DCBLD1: variants seen among roughly 807,000 people sequenced by gnomAD.
The protein encoded by DCBLD1 is discoidin, CUB and LCCL domain containing 1, also known as discoidin, CUB and LCCL domain-containing protein 1.
In DCBLD1, 57 loss-of-function variants were observed where a neutral mutation model predicts 71.5. The ratio of observed to expected loss-of-function variants is 0.80; its 90% CI spans 0.64 to 0.99. DCBLD1 has a LOEUF of 0.99. Ranked by LOEUF, DCBLD1 falls within the 50% of genes least tolerant of loss-of-function variation. The probability of loss-of-function intolerance (pLI) is 0.00; values close to 1 mark genes in which losing one functional copy is unlikely to be tolerated. For missense variants in DCBLD1, 891 were observed against 923.5 expected, an observed-to-expected ratio of 0.96 and a Z score of 0.46; for synonymous variants, 380 against 363.8, an observed-to-expected ratio of 1.04 and a Z score of -0.51.
chr6:117,495,949 C>G (rs926561315), intron 1 of DCBLD1, among the ~76,000 whole-genome samples: 2 of 152,182 alleles, frequency 1.3e-5, no homozygotes, highest in African/African-American at 4.8e-5. Flanking sequence ...GATAGGATCT[C>G]TTTAAATGAT....
chr6:117,515,603 C>A (rs1208922445), intron 2 of DCBLD1, among the ~76,000 whole-genome samples: 1 of 152,182 alleles, frequency 6.6e-6, no homozygotes, highest in East Asian at 1.9e-4. Flanking sequence ...GCAAGTACAG[C>A]AATCTGACTC....
chr6:117,505,927 A>G (rs1777827611), intron 2 of DCBLD1, among the ~76,000 whole-genome samples: 2 of 152,274 alleles, frequency 1.3e-5, no homozygotes, highest in South Asian at 4.1e-4. Flanking sequence ...TGAGCTTTCA[A>G]GCTTAGATGC....
chr6:117,507,512 C>T (rs1052637850), intron 2 of DCBLD1, among the ~76,000 whole-genome samples: 1 of 152,110 alleles, frequency 6.6e-6, no homozygotes, highest in African/African-American at 2.4e-5. Flanking sequence ...TAATATTATC[C>T]TGGCCAAAAC....
At chr6:117,488,119 C>G (rs1777153048) in intron 1 of DCBLD1, among the ~76,000 whole-genome samples, 1 of 152,076 alleles carries the variant, frequency 6.6e-6, no homozygotes, top group African/African-American at 2.4e-5. Context: ...GGAGGATTCC[C>G]TAAGATCCAT....
chr6:117,541,016 A>G lies in DCBLD1; in HGVS notation c.1348A>G (p.Thr450Ala), dbSNP rs2114553696. 2 of 1,614,212 alleles carry G rather than the reference A, an allele frequency of 1.2e-6. No homozygotes were observed. The highest frequency in any genetic ancestry group is 1.3e-5 in the African/African-American group (1 of 75,060). The stretch of plus-strand genomic sequence containing the variant: ...CACAAGGCCCATCCCCTCGGAAGAA[A>G]CATCCACAGGTAGAGCCGTGATTGT... ...TITRPIPSEETSTGINITTVA... is the reference protein window; with the variant it reads ...TITRPIPSEEASTGINITTVA... Residue 450 changes from threonine (T) to alanine (A), a missense_variant, in exon 11 of 15, where the codon ACA becomes GCA. By Grantham distance (58) the Thr-to-Ala change is moderately conservative (BLOSUM62 0). Coordinates refer to ENST00000338728, the MANE Select transcript of DCBLD1 (RefSeq NM_001366458.2).
At position 117,543,206 on chromosome 6, in the gene DCBLD1, T is replaced by C. The variant is rs746384748; in HGVS notation, c.1440T>C (p.Phe480=). ...VFAGMGIFAA[F]RKKKKKGSPY... is the part of the protein sequence containing the mutation. Reference sequence around the variant, plus strand: ...CTGGAATGGGGATCTTTGCAGCCTTTAGAAAGTATGGTGACTTTACATGTT... The same window carrying C: ...CTGGAATGGGGATCTTTGCAGCCTTCAGAAAGTATGGTGACTTTACATGTT... Residue 480 remains phenylalanine (F), a synonymous_variant, in exon 12 of 15, where the codon TTT becomes TTC. Coordinates refer to ENST00000338728, the MANE Select transcript of DCBLD1 (RefSeq NM_001366458.2). 55 of 1,613,932 alleles carry C rather than the reference T, an allele frequency of 3.4e-5. No homozygotes were observed. The highest frequency in any genetic ancestry group is 4.5e-5 in the Non-Finnish European group (53 of 1,179,914).
chr6:117,483,864 A>G (rs1021759683), intron 1 of DCBLD1, among the ~76,000 whole-genome samples: 5 of 152,152 alleles, frequency 3.3e-5, no homozygotes, highest in African/African-American at 1.2e-4. Flanking sequence ...TGGTGAAACA[A>G]GAATCAAAAC....
At chr6:117,564,827 T>C (rs1779661992) in intron 14 of DCBLD1, among the ~76,000 whole-genome samples, 1 of 152,200 alleles carries the variant, frequency 6.6e-6, no homozygotes, top group Non-Finnish European at 1.5e-5. Flanking sequence ...ACTGCCACAA[T>C]AGTTTTGCTC....
intron 1 of DCBLD1, among the ~76,000 whole-genome samples, chr6:117,493,346 A>G (rs1777359844): frequency 6.6e-6 from 1 of 152,200 alleles, no homozygotes; most frequent in South Asian, 2.1e-4. Flanking sequence ...ATACACTGAC[A>G]CCTTCTTTTA....
At position 117,548,417 on chromosome 6, in the gene DCBLD1, C is replaced by A. The variant is rs1390435303; in HGVS notation, c.2126C>A (p.Thr709Lys). 1 of 1,550,700 alleles carries A rather than the reference C, an allele frequency of 6.4e-7. No individual in the cohort carries two copies. Among genetic ancestry groups the A allele is most frequent in the Non-Finnish European group, 8.7e-7 (1 of 1,147,016 alleles). ...GACTGCCTCACACCCCTCAACCAGA[C>A]GGCCATGACTGCCCTTTTGTGAACA... is the stretch of plus-strand genomic sequence containing the variant. ...PRDCLTPLNQ[T>K]AMTALL is the part of the protein sequence containing the mutation. Residue 709 changes from threonine to lysine, a missense_variant, in exon 15 of 15, where the codon ACG becomes AAG. Physicochemically the swap from Thr to Lys is moderately conservative, Grantham distance 78 (BLOSUM62 -1). Coordinates refer to ENST00000338728, the MANE Select transcript of DCBLD1 (RefSeq NM_001366458.2).
At chr6:117,490,103 A>G (rs926331135) in intron 1 of DCBLD1, among the ~76,000 whole-genome samples, 1 of 142,638 alleles carries the variant, frequency 7.0e-6, no homozygotes, top group African/African-American at 2.6e-5. Context: ...GCACACACAC[A>G]CACACACACA....
chr6:117,547,796 A>C (rs1583036018), intron 14 of DCBLD1, 111 bp from the exon 15 acceptor site: 50 of 1,542,514 alleles, frequency 3.2e-5, no homozygotes, highest in Non-Finnish European at 4.3e-5. Flanking sequence ...ACCTGAGGGC[A>C]CCCGGGGGGA....
At chr6:117,519,751 C>A in intron 2 of DCBLD1, 65 bp from the exon 3 acceptor site, 1 of 1,570,120 alleles carries the variant, frequency 6.4e-7, no homozygotes, top group Non-Finnish European at 8.7e-7. Flanking sequence ...GAAAAAAATG[C>A]CATATACCAG....
intron 4 of DCBLD1, among the ~76,000 whole-genome samples, chr6:117,522,345 A>G (rs1583004106): frequency 6.6e-6 from 1 of 152,206 alleles, no homozygotes; most frequent in Non-Finnish European, 1.5e-5. Flanking sequence ...GTCTCCAGAC[A>G]TTGCCAAATG....
At chr6:117,489,544 A>G (rs893547499) in intron 1 of DCBLD1, among the ~76,000 whole-genome samples, 4 of 152,190 alleles carry the variant, frequency 2.6e-5, no homozygotes, top group African/African-American at 7.2e-5. Context: ...TGTTACCCCC[A>G]TACCACCCCC....
intron 9 of DCBLD1, 137 bp downstream of exon 9, chr6:117,539,516 C>A: frequency 9.7e-7 from 1 of 1,032,204 alleles, no homozygotes; most frequent in African/African-American, 1.7e-5. Context: ...CTGTAATCCC[C>A]AAGCTTTGGG....
chr6:117,539,479 A>C, intron 9 of DCBLD1, 100 bp downstream of exon 9: 2 of 1,347,430 alleles, frequency 1.5e-6, no homozygotes, highest in South Asian at 2.9e-5. Flanking sequence ...AATAAAAGAC[A>C]GTGAGGCCAA....
downstream of DCBLD1, among the ~76,000 whole-genome samples, chr6:117,554,041 C>CA (rs2114586985): frequency 6.6e-6 from 1 of 152,294 alleles, no homozygotes; most frequent in Admixed American, 6.5e-5. Context: ...GTGTCTGACC[C>CA]ATGATAAGTG....
At chr6:117,536,162 T>C (rs1042856292) in intron 6 of DCBLD1, among the ~76,000 whole-genome samples, 1 of 152,232 alleles carries the variant, frequency 6.6e-6, no homozygotes, top group Middle Eastern at 3.2e-3. Flanking sequence ...CATGTTTTAG[T>C]ACTCTCTGTG....
Sources: allele counts gnomAD v4.1 joint callset (sites outside exome capture counted in the v4.1 genomes callset), GRCh38; gene constraint gnomAD v4.1.1; transcripts MANE v1.5; gene names NCBI Gene and HGNC (gene_info 2026-07-23, HGNC 2026-07-21).